TSPEAR: variants seen among roughly 807,000 people sequenced by gnomAD.
The protein encoded by TSPEAR is thrombospondin-type laminin G domain and EAR repeat-containing protein.
A neutral mutation model predicts 71.6 loss-of-function variants in TSPEAR; 69 were observed. That is an observed-to-expected ratio of 0.96 (90% CI 0.79 to 1.18). TSPEAR has a LOEUF of 1.18. TSPEAR is among the 50% of genes most tolerant of loss of function. TSPEAR has a pLI of 0.00. For missense variants in TSPEAR, 971 were observed against 894.9 expected, an observed-to-expected ratio of 1.09 and a Z score of -1.09; for synonymous variants, 402 against 387.2, an observed-to-expected ratio of 1.04 and a Z score of -0.45.
At chr21:44,677,207 T>TTTCATC in intron 1 of TSPEAR, 1 of 713,036 alleles carries the variant, frequency 1.4e-6, no homozygotes. Context: ...CAGTCACACT[T>TTTCATC]TTCATCTTCT....
chr21:44,507,833 G>A (rs1228592061), intron 10 of TSPEAR, among the ~76,000 whole-genome samples: 1 of 152,182 alleles, frequency 6.6e-6, no homozygotes, highest in African/African-American at 2.4e-5. Context: ...AACTGCCACC[G>A]CCGCCCCGTG....
intron 1 of TSPEAR, among the ~76,000 whole-genome samples, chr21:44,636,072 T>C (rs1983545490): frequency 6.6e-6 from 1 of 152,226 alleles, no homozygotes; most frequent in Non-Finnish European, 1.5e-5. Context: ...GACTTCAAAT[T>C]TTTCACATTA....
intron 1 of TSPEAR, chr21:44,677,532 G>T: frequency 1.2e-6 from 1 of 830,986 alleles, no homozygotes. Context: ...TTCTTCACAT[G>T]GTCGTTCCCT....
Position 44,642,566 on chromosome 21 carries a change from G to A in TSPEAR, c.82+68867C>T, listed in dbSNP as rs1446426295. Among the ~76,000 whole-genome samples, 4 of 152,212 alleles carry A rather than the reference G, an allele frequency of 2.6e-5. No homozygotes were observed. The highest frequency in any genetic ancestry group is 6.5e-5 in the Admixed American group (1 of 15,284). The stretch of plus-strand genomic sequence containing the variant: ...TCCTCAAAAAATTAAAAATGGGGCC[G>A]GGCGCAGTGGCTCATGCCTGTAATC... On this transcript the variant is annotated intron_variant, in intron 1 of 11. Transcript: ENST00000323084. The surrounding 1 kb of genome is among the most constrained non-coding windows in gnomAD (Gnocchi z 4.1).
At chr21:44,586,862 CA>C (rs1313815227) in intron 1 of TSPEAR, among the ~76,000 whole-genome samples, 1 of 152,178 alleles carries the variant, frequency 6.6e-6, no homozygotes, top group Non-Finnish European at 1.5e-5. Context: ...AAACTCTCAG[CA>C]AAATCAACAT....
chr21:44,644,328 T>G (rs1984186140), intron 1 of TSPEAR, among the ~76,000 whole-genome samples: 1 of 152,232 alleles, frequency 6.6e-6, no homozygotes, highest in Non-Finnish European at 1.5e-5. Flanking sequence ...TAATACGATG[T>G]CACCCTAGAC....
At chr21:44,579,832 G>A (rs781816685) in intron 1 of TSPEAR, 143 of 1,610,196 alleles carry the variant, frequency 8.9e-5, no homozygotes, top group Admixed American at 2.7e-4. Flanking sequence ...GGCAGCAGCT[G>A]GCCTGGTAGG....
Position 44,533,809 on chromosome 21 carries a change from C to A in TSPEAR, c.418G>T (p.Ala140Ser). The change falls in exon 3 of 12, where the codon GCC (alanine) becomes TCC (serine). Residue 140 changes from alanine to serine, a missense_variant. Coordinates refer to ENST00000323084, the MANE Select transcript of TSPEAR (RefSeq NM_144991.3). ...FLFLREDTAG[A>S]WQTRVSFRSP... ...CGGAAGGACACTCGGGTCTGCCAGGCGCCGGCCGTGTCCTCGCGAAGGAAC... is the reference window on the plus strand; with the variant it reads ...CGGAAGGACACTCGGGTCTGCCAGGAGCCGGCCGTGTCCTCGCGAAGGAAC... 1 of 1,612,498 alleles carries A rather than the reference C, an allele frequency of 6.2e-7. No homozygotes were observed. Among genetic ancestry groups the A allele is most frequent in the Non-Finnish European group, 8.5e-7 (1 of 1,179,922 alleles).
At chr21:44,654,550 G>A (rs1985015634) in intron 1 of TSPEAR, 1 of 1,610,628 alleles carries the variant, frequency 6.2e-7, no homozygotes, top group Non-Finnish European at 8.5e-7. Context: ...GCAGGTGCTG[G>A]GGACACAGCA....
At chr21:44,677,765 A>G in intron 1 of TSPEAR, 3 of 1,338,660 alleles carry the variant, frequency 2.2e-6, no homozygotes, top group South Asian at 1.2e-5. Flanking sequence ...TTTTTAGTGG[A>G]CCAGACTGAG....
chr21:44,515,777 C>T (rs970550476), intron 9 of TSPEAR: 6 of 152,258 alleles, frequency 3.9e-5, no homozygotes, highest in African/African-American at 1.4e-4. Flanking sequence ...CCACGAACAC[C>T]TCCCGACTGC....
intron 10 of TSPEAR, 34 bp downstream of exon 10, chr21:44,509,165 A>T: frequency 6.3e-7 from 1 of 1,595,948 alleles, no homozygotes; most frequent in Admixed American, 1.7e-5. Flanking sequence ...CCCAGAGATC[A>T]GCCCACCTCC....
chr21:44,538,736 C>T (rs587679004), intron 2 of TSPEAR, among the ~76,000 whole-genome samples: 23 of 152,226 alleles, frequency 1.5e-4, no homozygotes, highest in Non-Finnish European at 2.8e-4. Flanking sequence ...GCCTGGAGAG[C>T]CCCACAGCCC....
At chr21:44,702,590 C>T (rs1987708747) in intron 1 of TSPEAR, 1 of 1,607,442 alleles carries the variant, frequency 6.2e-7, no homozygotes, top group African/African-American at 1.3e-5. Flanking sequence ...TGCACTTCCT[C>T]CTGCTGCAGA....
In TSPEAR at chr21:44,521,913, C is replaced by T. The variant is rs782518045; in HGVS notation, c.1536G>A (p.Leu512=). ...KVHSHLYIRL[L]GSFQLFQSFP... Reference sequence around the variant, plus strand: ...AGGACTGGAAGAGCTGGAAGGAGCCCAGGAGTCGGATGTAGAGGTGCGAGT... The same window carrying T: ...AGGACTGGAAGAGCTGGAAGGAGCCTAGGAGTCGGATGTAGAGGTGCGAGT... Residue 512 remains leucine, a synonymous_variant, in exon 9 of 12, where the codon CTG becomes CTA. Transcript: ENST00000323084. The T allele has an allele frequency of 6.2e-7, 1 of 1,613,902 alleles. No homozygotes were observed. The highest frequency in any genetic ancestry group is 8.5e-7 in the Non-Finnish European group (1 of 1,179,966).
intron 1 of TSPEAR, chr21:44,601,733 G>C: frequency 1.2e-6 from 2 of 1,609,446 alleles, no homozygotes; most frequent in Non-Finnish European, 1.7e-6. Flanking sequence ...TCCAGCTGCT[G>C]AGTGATCTCC....
Position 44,639,004 on chromosome 21 carries a change from C to A in TSPEAR, c.83-70999G>T, listed in dbSNP as rs587706318. On this transcript the variant is annotated intron_variant, in intron 1 of 11. Transcript: ENST00000323084. ...CTCCCCCAGGACTCGAGCCCAGCAG[C>A]CCAGTATTCATGGGGTTCTGGAATA... is the stretch of plus-strand genomic sequence containing the variant. Among the ~76,000 whole-genome samples, 42 of 152,232 alleles carry A rather than the reference C, an allele frequency of 2.8e-4. No individual in the cohort carries two copies. The South Asian group carries it at 7.5e-3, about 27-fold the overall frequency.
At chr21:44,558,145 G>A in intron 2 of TSPEAR, 1 of 1,613,390 alleles carries the variant, frequency 6.2e-7, no homozygotes, top group Non-Finnish European at 8.5e-7. Flanking sequence ...CAGGAGGCCG[G>A]GCGGCAGCAG....
At chr21:44,538,427 C>T (rs1047123437) in intron 2 of TSPEAR, among the ~76,000 whole-genome samples, 5 of 125,746 alleles carry the variant, frequency 4.0e-5, no homozygotes, top group Admixed American at 7.3e-5. Flanking sequence ...CTGCTGCCCC[C>T]CCCCCCCCCA....
Sources: gnomAD v4.1 joint callset for allele counts (sites outside exome capture counted in the v4.1 genomes callset) on GRCh38, gnomAD v4.1.1 for gene constraint, Gnocchi (gnomAD v3.1) non-coding constraint, MANE v1.5 for transcripts, NCBI Gene and HGNC (gene_info 2026-07-23, HGNC 2026-07-21) for gene names.